REDIC1: variants seen among roughly 807,000 people sequenced by gnomAD.
The protein encoded by REDIC1 is regulator of DNA class I crossover intermediates 1.
the REDIC1 span, among the ~76,000 whole-genome samples, chr12:39,828,300 A>T: frequency 6.6e-6 from 1 of 152,020 alleles, no homozygotes; most frequent in African/African-American, 2.4e-5. Context: ...TATTGTAAGG[A>T]TATGCTGTGA....
At chr12:39,898,663 C>T in the REDIC1 span, among the ~76,000 whole-genome samples, 1 of 152,136 alleles carries the variant, frequency 6.6e-6, no homozygotes, top group East Asian at 1.9e-4. Context: ...ACATACAAGG[C>T]ATTGAGACCT....
the REDIC1 span, among the ~76,000 whole-genome samples, chr12:39,877,642 G>A: frequency 6.6e-6 from 1 of 152,258 alleles, no homozygotes; most frequent in East Asian, 1.9e-4. Context: ...TAAAAGTCAG[G>A]TCATGGACTT....
the REDIC1 span, among the ~76,000 whole-genome samples, chr12:39,834,148 A>G: frequency 6.6e-6 from 1 of 152,124 alleles, no homozygotes; most frequent in East Asian, 1.9e-4. Context: ...TGTCACATAA[A>G]ACTTTGGTTA....
the REDIC1 span, among the ~76,000 whole-genome samples, chr12:39,838,457 A>G: frequency 6.6e-6 from 1 of 150,390 alleles, no homozygotes; most frequent in South Asian, 2.1e-4. Flanking sequence ...TAACCTGCAC[A>G]ATGTGCACAT....
chr12:39,896,348 G>GTATGTA, the REDIC1 span, among the ~76,000 whole-genome samples: 1 of 126,604 alleles, frequency 7.9e-6, no homozygotes, highest in Admixed American at 7.8e-5. Context: ...ATACATATAT[G>GTATGTA]TATGTATATG....
At chr12:39,809,065 A>G in the REDIC1 span, among the ~76,000 whole-genome samples, 1 of 152,092 alleles carries the variant, frequency 6.6e-6, no homozygotes, top group Non-Finnish European at 1.5e-5. Flanking sequence ...TCTATGATGT[A>G]TATTGAGCTT....
chr12:39,665,377 G>C, the REDIC1 span, among the ~76,000 whole-genome samples: 11 of 152,058 alleles, frequency 7.2e-5, no homozygotes, highest in African/African-American at 1.9e-4. Flanking sequence ...AAGATCAGAT[G>C]GTTGTAGATG....
chr12:39,820,241 A>T, the REDIC1 span, among the ~76,000 whole-genome samples: 1 of 152,224 alleles, frequency 6.6e-6, no homozygotes, highest in Non-Finnish European at 1.5e-5. Flanking sequence ...ATAAAATAAG[A>T]CAGCATTCAT....
At chr12:39,644,663 T>G in the REDIC1 span, among the ~76,000 whole-genome samples, 1 of 151,864 alleles carries the variant, frequency 6.6e-6, no homozygotes, top group African/African-American at 2.4e-5. Context: ...TAGTTATACT[T>G]TAGAAAGAAT....
At chr12:39,860,871 G>A in the REDIC1 span, among the ~76,000 whole-genome samples, 2 of 151,976 alleles carry the variant, frequency 1.3e-5, no homozygotes, top group African/African-American at 4.8e-5. Context: ...GCTCTTGGTG[G>A]CACCCACACC....
At chr12:39,774,119 A>G in the REDIC1 span, among the ~76,000 whole-genome samples, 7 of 152,330 alleles carry the variant, frequency 4.6e-5, no homozygotes, top group South Asian at 6.2e-4. Context: ...ATAGAAATTT[A>G]TGATATAATT....
At chr12:39,699,993 A>G in the REDIC1 span, among the ~76,000 whole-genome samples, 1 of 152,180 alleles carries the variant, frequency 6.6e-6, no homozygotes, top group South Asian at 2.1e-4. Context: ...TGGGGAAAAA[A>G]CAGAGCAGAA....
chr12:39,781,766 G>A, the REDIC1 span, among the ~76,000 whole-genome samples: 14 of 152,156 alleles, frequency 9.2e-5, no homozygotes, highest in East Asian at 1.9e-4. Flanking sequence ...GACATTTGTC[G>A]TGCTTCTCTT....
At chr12:39,711,871 A>ATATGTGTG in the REDIC1 span, among the ~76,000 whole-genome samples, 2 of 114,880 alleles carry the variant, frequency 1.7e-5, no homozygotes, top group African/African-American at 8.5e-5. Flanking sequence ...GTATACACGT[A>ATATGTGTG]TACACATGCA....
chr12:39,808,431 G>A, the REDIC1 span, among the ~76,000 whole-genome samples: 1 of 152,048 alleles, frequency 6.6e-6, no homozygotes, highest in African/African-American at 2.4e-5. Flanking sequence ...ACATTTGTTG[G>A]ACACATTTTA....
At chr12:39,821,178 C>T in the REDIC1 span, among the ~76,000 whole-genome samples, 5 of 152,066 alleles carry the variant, frequency 3.3e-5, no homozygotes, top group East Asian at 7.7e-4. Context: ...CTTTCGGAGA[C>T]CAAGGCGGGC....
At chr12:39,811,998 T>A in the REDIC1 span, among the ~76,000 whole-genome samples, 1 of 152,216 alleles carries the variant, frequency 6.6e-6, no homozygotes. Context: ...GGTTATCTCA[T>A]AAAAGAAACA....
the REDIC1 span, among the ~76,000 whole-genome samples, chr12:39,706,425 T>G: frequency 1.3e-5 from 2 of 151,930 alleles, no homozygotes; most frequent in African/African-American, 4.8e-5. Context: ...AAAATACCAA[T>G]GACATTATTA....
At chr12:39,815,431 C>G in the REDIC1 span, among the ~76,000 whole-genome samples, 1 of 152,168 alleles carries the variant, frequency 6.6e-6, no homozygotes, top group Non-Finnish European at 1.5e-5. Context: ...GGTTCTTTGT[C>G]AAAACAGCTA....
Sources: gnomAD v4.1 joint callset for allele counts (sites outside exome capture counted in the v4.1 genomes callset) on GRCh38, gnomAD v4.1.1 for gene constraint, MANE v1.5 for transcripts, NCBI Gene and HGNC (gene_info 2026-07-23, HGNC 2026-07-21) for gene names.